LY6S: variants seen among roughly 807,000 people sequenced by gnomAD.
LY6S encodes the protein lymphocyte antigen 6 family member S, also known as lymphocyte antigen 6S.
chr8:143,069,278 T>C, the LY6S span, among the ~76,000 whole-genome samples: 2 of 152,218 alleles, frequency 1.3e-5, no homozygotes, highest in Non-Finnish European at 1.5e-5. Context: ...GTCTTCAAAA[T>C]GCATTTTTAA....
the LY6S span, among the ~76,000 whole-genome samples, chr8:143,046,950 G>A: frequency 0.5 from 75,892 of 151,764 alleles, 22,328 homozygotes; most frequent in Non-Finnish European, 0.64. Flanking sequence ...GCAGTGAGCC[G>A]TTATTGTGCC....
the LY6S span, among the ~76,000 whole-genome samples, chr8:143,054,583 T>C: frequency 2.0e-5 from 3 of 152,114 alleles, no homozygotes; most frequent in African/African-American, 7.2e-5. Context: ...GGGTTGTGGA[T>C]CTCCAGTGTA....
chr8:143,067,062 T>G, the LY6S span, among the ~76,000 whole-genome samples: 1 of 152,162 alleles, frequency 6.6e-6, no homozygotes, highest in African/African-American at 2.4e-5. Context: ...ATCCTCATGA[T>G]AGTGAGTGAG....
chr8:143,058,556 A>T, the LY6S span, among the ~76,000 whole-genome samples: 6 of 152,004 alleles, frequency 3.9e-5, no homozygotes, highest in Non-Finnish European at 8.8e-5. Flanking sequence ...AGGATGGAAC[A>T]TGAAAGCGGA....
the LY6S span, among the ~76,000 whole-genome samples, chr8:143,061,598 G>A: frequency 3.3e-5 from 5 of 152,208 alleles, no homozygotes; most frequent in Admixed American, 2.0e-4. Context: ...AGACTAGAGT[G>A]CAATGGTGCG....
At chr8:143,057,804 C>A in the LY6S span, 1 of 775,308 alleles carries the variant, frequency 1.3e-6, no homozygotes, top group South Asian at 1.3e-5. Context: ...GAAAAACCAT[C>A]AACAGCTAGA....
At chr8:143,066,923 A>G in the LY6S span, among the ~76,000 whole-genome samples, 4 of 152,152 alleles carry the variant, frequency 2.6e-5, no homozygotes, top group Non-Finnish European at 5.9e-5. Context: ...ATCTCTTCCA[A>G]ATATCATGGG....
chr8:143,045,136 GT>G, the LY6S span, among the ~76,000 whole-genome samples: 1 of 152,126 alleles, frequency 6.6e-6, no homozygotes, highest in African/African-American at 2.4e-5. This position sits in a 1 kb window ranked among gnomAD's most constrained non-coding sequence, Gnocchi z 5.3. Flanking sequence ...AAACACACCA[GT>G]CACCTCTGCC....
At chr8:143,072,482 G>C in the LY6S span, among the ~76,000 whole-genome samples, 2 of 128,930 alleles carry the variant, frequency 1.6e-5, no homozygotes, top group African/African-American at 6.8e-5. Flanking sequence ...CGTCCTCCCC[G>C]GGGTCCCTGT....
At chr8:143,046,083 C>A in the LY6S span, among the ~76,000 whole-genome samples, 1 of 151,782 alleles carries the variant, frequency 6.6e-6, no homozygotes, top group African/African-American at 2.4e-5. Flanking sequence ...GAACTCCTGA[C>A]CTCAAGTGAT....
At chr8:143,062,723 G>C in the LY6S span, among the ~76,000 whole-genome samples, 1 of 152,004 alleles carries the variant, frequency 6.6e-6, no homozygotes, top group East Asian at 1.9e-4. Flanking sequence ...TATAAGGAAG[G>C]ACATACAAAG....
chr8:143,046,862 G>A, the LY6S span, among the ~76,000 whole-genome samples: 128 of 152,000 alleles, frequency 8.4e-4, 3 homozygotes, highest in South Asian at 0.026. Flanking sequence ...ATTAGCTGGC[G>A]TGGTGGCGGG....
chr8:143,040,852 T>G, the LY6S span, among the ~76,000 whole-genome samples: 1 of 152,136 alleles, frequency 6.6e-6, no homozygotes, highest in African/African-American at 2.4e-5. Flanking sequence ...ATTTCAAAGC[T>G]GGGCGTCCGG....
the LY6S span, chr8:143,044,571 GC>G: frequency 1.7e-6 from 1 of 574,046 alleles, no homozygotes. Flanking sequence ...CCACAGACCG[GC>G]CCCCAAAGTG....
chr8:143,042,511 C>T, the LY6S span: 1 of 157,592 alleles, frequency 6.3e-6, no homozygotes, highest in East Asian at 1.9e-4. Flanking sequence ...AGCACCTCCC[C>T]AAGGCCATGG....
At chr8:143,064,293 C>T in the LY6S span, among the ~76,000 whole-genome samples, 1 of 152,336 alleles carries the variant, frequency 6.6e-6, no homozygotes, top group Admixed American at 6.5e-5. Flanking sequence ...GAAGCAGTTG[C>T]ATTTCGCCCT....
At chr8:143,055,912 C>G in the LY6S span, among the ~76,000 whole-genome samples, 2 of 151,814 alleles carry the variant, frequency 1.3e-5, no homozygotes, top group African/African-American at 4.8e-5. Flanking sequence ...TAACAGGTAT[C>G]GAGTTCTCTG....
At chr8:143,043,256 G>A in the LY6S span, 31 of 1,363,238 alleles carry the variant, frequency 2.3e-5, no homozygotes, top group Middle Eastern at 4.2e-4. Context: ...AGTCCACAAC[G>A]GCACTTGTAA....
chr8:143,045,485 C>A, the LY6S span, among the ~76,000 whole-genome samples: 2 of 152,190 alleles, frequency 1.3e-5, no homozygotes, highest in Non-Finnish European at 2.9e-5. This position sits in a 1 kb window ranked among gnomAD's most constrained non-coding sequence, Gnocchi z 5.3. Context: ...ACCCTGTCCT[C>A]AGCACAGTCA....
Sources: allele counts gnomAD v4.1 joint callset (sites outside exome capture counted in the v4.1 genomes callset), GRCh38; gene constraint gnomAD v4.1.1; non-coding constraint Gnocchi (gnomAD v3.1); transcripts MANE v1.5; gene names NCBI Gene and HGNC (gene_info 2026-07-23, HGNC 2026-07-21).